CYP27A1: variants seen among roughly 807,000 people sequenced by gnomAD.
The protein encoded by CYP27A1 is cytochrome P450 family 27 subfamily A member 1, also known as sterol 26-hydroxylase, mitochondrial.
In CYP27A1, 46 loss-of-function variants were observed where a neutral mutation model predicts 58.2. The ratio of observed to expected loss-of-function variants is 0.79; its 90% confidence interval spans 0.62 to 1.01. CYP27A1 has a LOEUF of 1.01. Ranked by LOEUF, CYP27A1 falls within the 50% of genes least tolerant of loss-of-function variation. CYP27A1 has a pLI of 0.00. For synonymous variants in CYP27A1, 274 were observed against 285.1 expected, an observed-to-expected ratio of 0.96 and a Z score of 0.39; for missense variants, 704 against 687.0, an observed-to-expected ratio of 1.02 and a Z score of -0.28.
Position 218,814,948 on chromosome 2 carries a change from C to G in CYP27A1, c.1514C>G (p.Thr505Arg), listed in dbSNP as rs76822427. 2 of 1,614,222 alleles carry G rather than the reference C, an allele frequency of 1.2e-6. No homozygotes were observed. Among genetic ancestry groups the G allele is most frequent in the Non-Finnish European group, 8.5e-7 (1 of 1,180,026 alleles). Residue 505 changes from threonine to arginine, a missense_variant, in exon 9 of 9, where the codon ACG becomes AGG. Transcript: ENST00000258415. ...QKYKVVLAPE[T>R]GELKSVARIV... ...TACAAGGTGGTCCTGGCCCCGGAGACGGGGGAGTTGAAGAGTGTGGCCCGC... is the reference window on the plus strand; with the variant it reads ...TACAAGGTGGTCCTGGCCCCGGAGAGGGGGGAGTTGAAGAGTGTGGCCCGC...
rs371636461 is a variant in CYP27A1, at chr2:218,812,607, C to T, written c.702C>T (p.Pro234=). 69 of 1,614,104 alleles carry T rather than the reference C, an allele frequency of 4.3e-5. No individual in the cohort carries two copies. The highest frequency in any genetic ancestry group is 5.6e-5 in the Non-Finnish European group (66 of 1,180,046). The change falls in exon 4 of 9, where the codon CCC becomes CCT. Residue 234 remains proline (P), a synonymous_variant. Transcript: ENST00000258415. The part of the protein sequence containing the change: ...KRIGCLQRSI[P]EDTVTFVRSI... ...TTGGCTGCCTGCAGCGATCCATCCCCGAGGACACCGTGACCTTCGTCAGAT... is the reference window on the plus strand; with the variant it reads ...TTGGCTGCCTGCAGCGATCCATCCCTGAGGACACCGTGACCTTCGTCAGAT...
intron 1 of CYP27A1, among the ~76,000 whole-genome samples, chr2:218,788,731 C>T (rs1943464085): frequency 6.6e-6 from 1 of 152,214 alleles, no homozygotes; most frequent in Non-Finnish European, 1.5e-5. Flanking sequence ...TAAATGCTGC[C>T]AAATTCTTCC....
At chr2:218,804,224 G>T (rs2105976737) in intron 1 of CYP27A1, among the ~76,000 whole-genome samples, 1 of 152,260 alleles carries the variant, frequency 6.6e-6, no homozygotes, top group South Asian at 2.1e-4. Flanking sequence ...TTTTGTATAT[G>T]GAGTGAGGTA....
intron 1 of CYP27A1, among the ~76,000 whole-genome samples, chr2:218,791,353 C>T (rs1010930660): frequency 1.3e-5 from 2 of 152,146 alleles, no homozygotes; most frequent in African/African-American, 4.8e-5. Context: ...CTTTGTCTTC[C>T]ATCTATCAAG....
intron 1 of CYP27A1, among the ~76,000 whole-genome samples, chr2:218,809,020 A>G (rs993895841): frequency 4.6e-5 from 7 of 152,316 alleles, no homozygotes; most frequent in African/African-American, 1.7e-4. Flanking sequence ...AAATAAATAA[A>G]TATCATACCG....
chr2:218,809,549 G>A, intron 1 of CYP27A1, 28 bp from the exon 2 acceptor site: 1 of 1,543,088 alleles, frequency 6.5e-7, no homozygotes, highest in Non-Finnish European at 8.8e-7. Flanking sequence ...GCTTGGCCCA[G>A]TTATTCAGTT....
chr2:218,799,250 T>C (rs953600215), intron 1 of CYP27A1, among the ~76,000 whole-genome samples: 5 of 152,084 alleles, frequency 3.3e-5, no homozygotes, highest in Admixed American at 6.5e-5. Context: ...TAAGCCCTTA[T>C]CTAGACGCCG....
chr2:218,806,418 G>C (rs557514693), intron 1 of CYP27A1, among the ~76,000 whole-genome samples: 1 of 152,210 alleles, frequency 6.6e-6, no homozygotes, highest in African/African-American at 2.4e-5. Context: ...CAACTCAGAG[G>C]GGGTGCGGTA....
chr2:218,794,303 T>G (rs1943525095), intron 1 of CYP27A1, among the ~76,000 whole-genome samples: 2 of 152,214 alleles, frequency 1.3e-5, no homozygotes. Context: ...AGGATGAAGA[T>G]TGATCTTAAC....
At chr2:218,796,341 C>A (rs1943547510) in intron 1 of CYP27A1, among the ~76,000 whole-genome samples, 1 of 152,168 alleles carries the variant, frequency 6.6e-6, no homozygotes, top group Admixed American at 6.5e-5. Flanking sequence ...GCCTGTAATC[C>A]CAGCACTTTG....
chr2:218,812,356 C>T lies in CYP27A1; in HGVS notation c.581C>T (p.Ala194Val). 2.5e-6 allele frequency: 4 copies of T among 1,614,176 alleles called. No individual in the cohort carries two copies. Among genetic ancestry groups the T allele is most frequent in the South Asian group, 1.1e-5 (1 of 91,080 alleles). The change falls in exon 3 of 9, where the codon GCA (alanine) becomes GTA (valine). Residue 194 changes from alanine (A) to valine (V), a missense_variant. Physicochemically the swap from Ala to Val is moderately conservative, Grantham distance 64. Coordinates refer to ENST00000258415, the MANE Select transcript of CYP27A1 (RefSeq NM_000784.4). Reference sequence around the variant, plus strand: ...ATGACTCGACTGGACCAGCTGCGGGCAGAGAGTGCTTCGGGGAACCAGGTG... The same window carrying T: ...ATGACTCGACTGGACCAGCTGCGGGTAGAGAGTGCTTCGGGGAACCAGGTG... ...DFMTRLDQLR[A>V]ESASGNQVSD...
At chr2:218,794,301 G>C (rs767935466) in intron 1 of CYP27A1, among the ~76,000 whole-genome samples, 1 of 152,216 alleles carries the variant, frequency 6.6e-6, no homozygotes, top group Non-Finnish European at 1.5e-5. Context: ...TAAGGATGAA[G>C]ATTGATCTTA....
chr2:218,785,292 G>C (rs1943431570), intron 1 of CYP27A1, among the ~76,000 whole-genome samples: 1 of 152,136 alleles, frequency 6.6e-6, no homozygotes, highest in Non-Finnish European at 1.5e-5. Context: ...TGAGTGATGG[G>C]GAGTGGCTGT....
At chr2:218,799,287 C>G (rs1170010371) in intron 1 of CYP27A1, among the ~76,000 whole-genome samples, 2 of 152,176 alleles carry the variant, frequency 1.3e-5, no homozygotes, top group Non-Finnish European at 2.9e-5. Flanking sequence ...CTTCACTTAT[C>G]AGACCTTGCT....
intron 1 of CYP27A1, among the ~76,000 whole-genome samples, chr2:218,793,412 G>T (rs544898924): frequency 4.0e-4 from 61 of 152,264 alleles, no homozygotes; most frequent in Admixed American, 1.4e-3. Flanking sequence ...TGTACTCTTT[G>T]ATAAAGGAGA....
chr2:218,814,305 G>C, intron 6 of CYP27A1, 75 bp from the exon 7 acceptor site: 2 of 1,596,322 alleles, frequency 1.3e-6, no homozygotes, highest in East Asian at 2.2e-5. Flanking sequence ...AGATGGGAGA[G>C]GTAGGGGAGA....
At chr2:218,785,327 T>C (rs1474957860) in intron 1 of CYP27A1, among the ~76,000 whole-genome samples, 1 of 152,184 alleles carries the variant, frequency 6.6e-6, no homozygotes, top group Admixed American at 6.5e-5. Context: ...CTTTGCTCAC[T>C]CACCTACTGC....
At chr2:218,800,094 G>C (rs1943584818) in intron 1 of CYP27A1, among the ~76,000 whole-genome samples, 1 of 152,068 alleles carries the variant, frequency 6.6e-6, no homozygotes, top group Non-Finnish European at 1.5e-5. Flanking sequence ...GCAGCCAAGG[G>C]GTTTTATGTT....
intron 1 of CYP27A1, among the ~76,000 whole-genome samples, chr2:218,792,421 T>A (rs1190031006): frequency 6.6e-6 from 1 of 152,226 alleles, no homozygotes; most frequent in Non-Finnish European, 1.5e-5. Flanking sequence ...CTGCTTGGGT[T>A]AGCAGTTTTA....
Sources: allele counts gnomAD v4.1 joint callset (sites outside exome capture counted in the v4.1 genomes callset), GRCh38; gene constraint gnomAD v4.1.1; transcripts MANE v1.5; gene names NCBI Gene and HGNC (gene_info 2026-07-23, HGNC 2026-07-21).